The following MRPS31 variants were observed in gnomAD, a reference collection of about 807,000 sequenced individuals.
MRPS31 encodes small ribosomal subunit protein mS31.
MRPS31 carries 32 observed loss-of-function variants against 43.1 expected under a neutral mutation model. That is an observed-to-expected ratio of 0.74 (90% CI 0.56 to 1.00). The LOEUF (loss-of-function observed/expected upper bound fraction) is 1.00. MRPS31 is among the 50% of genes least tolerant of loss of function. The pLI, the probability that MRPS31 is intolerant of heterozygous loss-of-function variation, is 0.00. For missense variants in MRPS31, 437 were observed against 466.7 expected, an observed-to-expected ratio of 0.94 and a Z score of 0.59; for synonymous variants, 165 against 161.6, an observed-to-expected ratio of 1.02 and a Z score of -0.16.
At chr13:40,744,764 C>T (rs906617667) in intron 6 of MRPS31, among the ~76,000 whole-genome samples, 5 of 150,674 alleles carry the variant, frequency 3.3e-5, no homozygotes, top group Non-Finnish European at 5.9e-5. Context: ...ACAGGCCCCG[C>T]CATCACACCT....
chr13:40,757,189 C>T (rs1449399320), intron 3 of MRPS31, among the ~76,000 whole-genome samples, 176 bp from the exon 4 acceptor site: 3 of 152,066 alleles, frequency 2.0e-5, no homozygotes, highest in East Asian at 3.9e-4. Context: ...TAACACAGAA[C>T]ATTACAATTT....
chr13:40,765,092 TAA>T (rs974739311), intron 2 of MRPS31, among the ~76,000 whole-genome samples: 1 of 152,208 alleles, frequency 6.6e-6, no homozygotes, highest in Non-Finnish European at 1.5e-5. Flanking sequence ...AAAAAATCAT[TAA>T]AAGACACCTT....
intron 6 of MRPS31, among the ~76,000 whole-genome samples, chr13:40,743,272 G>A (rs1880152118): frequency 1.3e-5 from 2 of 150,718 alleles, no homozygotes; most frequent in African/African-American, 2.4e-5. Flanking sequence ...CTGAGATCAC[G>A]CCAATGCACT....
In MRPS31 at chr13:40,771,169, T is replaced by A. The variant is rs960616885; in HGVS notation, c.-33A>T. ...ACACGAAATGAACCAAGAACACAACTGAAATGGTGCGTCCCGCTGCCAAAC... is the reference window on the plus strand; with the variant it reads ...ACACGAAATGAACCAAGAACACAACAGAAATGGTGCGTCCCGCTGCCAAAC... On this transcript the variant is annotated 5_prime_UTR_variant, in exon 1 of 7. Coordinates refer to ENST00000323563, the MANE Select transcript of MRPS31 (RefSeq NM_005830.4). The A allele has an allele frequency of 7.0e-6, 11 of 1,560,828 alleles. No individual in the cohort carries two copies. The East Asian group carries it at 2.3e-4, about 33-fold the overall frequency.
chr13:40,736,670 C>G lies in MRPS31; in HGVS notation c.959-7069G>C, dbSNP rs372137635. On this transcript the variant is annotated intron_variant, in intron 6 of 6. Coordinates refer to ENST00000323563, the MANE Select transcript of MRPS31 (RefSeq NM_005830.4). ...GAATTTTCAACCCAGAATTTCATAT[C>G]CAGTCAAACTAAGCTTCATAAGTGA... 4.1e-3 allele frequency among the ~76,000 whole-genome samples: 598 copies of G among 144,098 alleles called. 7 individuals are homozygous for G. The highest frequency in any genetic ancestry group is 0.026 in the East Asian group (115 of 4,350). The allele number at this position is 144,098 out of a possible 152,430, so 94.5% of individuals were successfully genotyped here. A position where few individuals can be genotyped will look rare whatever the true frequency, so the allele number is the denominator to read the frequency against.
intron 6 of MRPS31, among the ~76,000 whole-genome samples, chr13:40,747,384 T>C (rs1880268709): frequency 6.6e-6 from 1 of 152,202 alleles, no homozygotes; most frequent in South Asian, 2.1e-4. Context: ...GAGAGGATAC[T>C]GATACCCAGG....
chr13:40,729,596 C>T lies in MRPS31; in HGVS notation c.964G>A (p.Asp322Asn), dbSNP rs747642692. Residue 322 changes from aspartate (D) to asparagine (N), a missense_variant, in exon 7 of 7, where the codon GAT (aspartate) becomes AAT (asparagine). Transcript: ENST00000323563. ...TCATGAAATTCTGAACCATCATCAT[C>T]AAAACCTAGGAAATGAGACCAAATA... ...EFPINNEAGF[D>N]DDGSEFHEHI... 3 of 1,602,270 alleles carry T rather than the reference C, an allele frequency of 1.9e-6. No individual in the cohort carries two copies. Among genetic ancestry groups the T allele is most frequent in the East Asian group, 2.2e-5 (1 of 44,798 alleles).
In MRPS31 at chr13:40,758,960, C is replaced by A; in HGVS notation, c.587G>T (p.Arg196Leu). 1.3e-6 allele frequency: 2 copies of A among 1,577,578 alleles called. No individual in the cohort carries two copies. The highest frequency in any genetic ancestry group is 2.4e-5 in the South Asian group (2 of 84,628). Residue 196 changes from arginine (R) to leucine (L), a missense_variant, in exon 3 of 7, where the codon CGA (arginine) becomes CTA (leucine). Arg to Leu is a moderately radical substitution (Grantham distance 102). Coordinates refer to ENST00000323563, the MANE Select transcript of MRPS31 (RefSeq NM_005830.4). ...EESRAQRDAK[R>L]PKISFSNIIS... ...TTGATTCACTCACCTAATTTTAGGT[C>A]GCTTTGCATCTCTCTGTGCCCTTGA...
In MRPS31 at chr13:40,739,571, G is replaced by A. The variant is rs1403777260; in HGVS notation, c.958+9567C>T. 3.9e-5 allele frequency among the ~76,000 whole-genome samples: 6 copies of A among 152,214 alleles called. No homozygotes were observed. In the East Asian group the frequency reaches 1.2e-3, roughly 29 times the overall value. On this transcript the variant is annotated intron_variant, in intron 6 of 6. Coordinates refer to ENST00000323563, the MANE Select transcript of MRPS31 (RefSeq NM_005830.4). ...AGGCTACAGTAACCAAAACAGCATG[G>A]TACTGGTACCAAAACAGAGACATAG...
In MRPS31 at chr13:40,766,809, A is replaced by G. The variant is rs139886992; in HGVS notation, c.377T>C (p.Leu126Pro). ...RTTKPPKRRP[L>P]KSLEATLGRL... ...GCCAAGTGTAGCTTCCAAACTTTTA[A>G]GTGGTCTTCTTTTGGGGGGCTTTGT... Residue 126 changes from leucine (L) to proline (P), a missense_variant, in exon 2 of 7, where the codon CTT becomes CCT. Coordinates refer to ENST00000323563, the MANE Select transcript of MRPS31 (RefSeq NM_005830.4). 49 of 1,613,852 alleles carry G rather than the reference A, an allele frequency of 3.0e-5. No homozygotes were observed. The highest frequency in any genetic ancestry group is 3.8e-5 in the Non-Finnish European group (45 of 1,179,986).
intron 1 of MRPS31, among the ~76,000 whole-genome samples, chr13:40,769,364 G>A (rs1482100996): frequency 8.9e-6 from 1 of 112,558 alleles, no homozygotes; most frequent in African/African-American, 3.1e-5. Context: ...GACAGAGCAA[G>A]ACTCTGTCCA....
intron 6 of MRPS31, among the ~76,000 whole-genome samples, chr13:40,730,297 G>A (rs1272223302): frequency 6.6e-6 from 1 of 151,584 alleles, no homozygotes; most frequent in African/African-American, 2.4e-5. Flanking sequence ...CGAGGCAGGC[G>A]GCTCACTCAA....
intron 6 of MRPS31, among the ~76,000 whole-genome samples, chr13:40,735,630 C>A (rs1879875095): frequency 1.3e-5 from 2 of 152,176 alleles, no homozygotes; most frequent in African/African-American, 2.4e-5. Flanking sequence ...ACCCCTGACC[C>A]CCGAGCAGCC....
intron 6 of MRPS31, among the ~76,000 whole-genome samples, chr13:40,746,709 A>G (rs757513657): frequency 2.6e-5 from 4 of 152,202 alleles, no homozygotes; most frequent in Admixed American, 2.6e-4. Context: ...CCCAGATAAT[A>G]CATACTATCC....
intron 6 of MRPS31, among the ~76,000 whole-genome samples, chr13:40,746,693 G>A (rs1287127943): frequency 1.3e-5 from 2 of 152,152 alleles, no homozygotes; most frequent in Non-Finnish European, 2.9e-5. Context: ...ACCCTATTTG[G>A]TGGTTCCCAG....
At chr13:40,737,028 A>G (rs1327343336) in intron 6 of MRPS31, among the ~76,000 whole-genome samples, 7 of 152,012 alleles carry the variant, frequency 4.6e-5, no homozygotes, top group Non-Finnish European at 1.0e-4. Flanking sequence ...TGCTGTATTC[A>G]GGAAACCCAT....
chr13:40,768,931 G>C (rs1319876622), intron 1 of MRPS31, among the ~76,000 whole-genome samples: 1 of 152,140 alleles, frequency 6.6e-6, no homozygotes, highest in Admixed American at 6.5e-5. Flanking sequence ...AGAAGTTAAA[G>C]TAGTGGTTAT....
intron 3 of MRPS31, 67 bp downstream of exon 3, chr13:40,758,881 C>T (rs1471192268): frequency 7.2e-7 from 1 of 1,393,304 alleles, no homozygotes; most frequent in African/African-American, 1.4e-5. Context: ...GTATTACTCA[C>T]TAGCCATATG....
In MRPS31 at chr13:40,754,089, T is replaced by G; in HGVS notation, c.744A>C (p.Lys248Asn). The change falls in exon 5 of 7, where the codon AAA becomes AAC. Residue 248 changes from lysine to asparagine, a missense_variant. Lys to Asn is a moderately conservative substitution (Grantham distance 94). Transcript: ENST00000323563. ...QEKTDDLKKR[K>N]NIFTGKRLNI... ...TAAGTCTTTTCCCTGTGAATATATT[T>G]TTCCTAAGTCCAAAAAAAGAAAATA... is the stretch of plus-strand genomic sequence containing the variant. The G allele has an allele frequency of 2.6e-6, 4 of 1,554,766 alleles. No homozygotes were observed. Among genetic ancestry groups the G allele is most frequent in the Non-Finnish European group, 3.5e-6 (4 of 1,138,330 alleles).
Sources: allele counts gnomAD v4.1 joint callset (sites outside exome capture counted in the v4.1 genomes callset), GRCh38; gene constraint gnomAD v4.1.1; transcripts MANE v1.5; gene names NCBI Gene and HGNC (gene_info 2026-07-23, HGNC 2026-07-21).